CNTNAP5: variants seen among roughly 807,000 people sequenced by gnomAD.
CNTNAP5 encodes the protein contactin associated protein family member 5, also known as contactin-associated protein-like 5.
A neutral mutation model predicts 150.2 loss-of-function variants in CNTNAP5; 72 were observed. That is an observed-to-expected ratio of 0.48 (90% CI 0.40 to 0.58). The LOEUF is 0.58. CNTNAP5 is among the 20% of genes least tolerant of loss of function. The probability of loss-of-function intolerance (pLI) is 0.00; values close to 1 mark genes in which losing one functional copy is unlikely to be tolerated. For missense variants in CNTNAP5, 1,636 were observed against 1,626.2 expected (o/e 1.01, Z -0.10); for synonymous variants, 672 against 619.8 (o/e 1.08, Z -1.25).
intron 21 of CNTNAP5, among the ~76,000 whole-genome samples, chr2:124,884,027 G>T (rs1421845595): frequency 6.6e-6 from 1 of 152,068 alleles, no homozygotes; most frequent in African/African-American, 2.4e-5. Flanking sequence ...ATATGTGTAT[G>T]CATGTGTGCA....
At chr2:124,203,930 T>C (rs1685796734) in intron 1 of CNTNAP5, among the ~76,000 whole-genome samples, 1 of 152,222 alleles carries the variant, frequency 6.6e-6, no homozygotes, top group African/African-American at 2.4e-5. Flanking sequence ...TGGCGCCTTG[T>C]TACTTATGCA....
chr2:124,825,662 T>C (rs1682577691), intron 19 of CNTNAP5, among the ~76,000 whole-genome samples: 2 of 152,314 alleles, frequency 1.3e-5, no homozygotes, highest in East Asian at 1.9e-4. Context: ...GGGAGGATTA[T>C]ACTTTAGGGC....
chr2:124,414,920 G>A (rs895289994), intron 3 of CNTNAP5, among the ~76,000 whole-genome samples: 1 of 152,124 alleles, frequency 6.6e-6, no homozygotes, highest in Non-Finnish European at 1.5e-5. Context: ...CTGAAGAGAA[G>A]GTTCCACAGT....
chr2:124,260,884 C>T lies in CNTNAP5; in HGVS notation c.381+18491C>T, dbSNP rs371340164. ...AATACATGTCATACTTATAGACACA[C>T]GTACACAAATGGAGTGCAATTGTCA... On this transcript the variant is annotated intron_variant, in intron 3 of 23. Coordinates refer to ENST00000682447, the MANE Select transcript of CNTNAP5 (RefSeq NM_001367498.1). Among the ~76,000 whole-genome samples, 49 of 152,202 alleles carry T rather than the reference C, an allele frequency of 3.2e-4. No homozygotes were observed. In the South Asian group the frequency reaches 8.3e-3, roughly 26 times the overall value.
chr2:124,410,315 A>T (rs1691715711), intron 3 of CNTNAP5, among the ~76,000 whole-genome samples: 1 of 151,262 alleles, frequency 6.6e-6, no homozygotes, highest in African/African-American at 2.4e-5. Context: ...CATTAGACAG[A>T]TCAACGAGAC....
chr2:124,579,274 G>A (rs988796219), intron 11 of CNTNAP5, among the ~76,000 whole-genome samples: 1 of 152,160 alleles, frequency 6.6e-6, no homozygotes, highest in Non-Finnish European at 1.5e-5. Flanking sequence ...AGGCTCTATA[G>A]TAGATTCTAT....
At position 124,446,784 on chromosome 2, in the gene CNTNAP5, G is replaced by T; in HGVS notation, c.765G>T (p.Leu255Phe). ...GCAAAGCGCGGCTCAGCAGCAGCTT[G>T]CCCTCTGCCACCCTGGGCAGCCTCC... Reference protein sequence around the residue: ...GDSKARLSSSLPSATLGSLLD... With the variant: ...GDSKARLSSSFPSATLGSLLD... The change falls in exon 6 of 24, where the codon TTG becomes TTT. Residue 255 changes from leucine (L) to phenylalanine (F), a missense_variant. By Grantham distance (22) the Leu-to-Phe change is conservative. Transcript: ENST00000682447. 1 of 1,613,776 alleles carries T rather than the reference G, an allele frequency of 6.2e-7. No homozygotes were observed. Among genetic ancestry groups the T allele is most frequent in the East Asian group, 2.2e-5 (1 of 44,856 alleles).
At chr2:124,201,468 G>A (rs977999390) in intron 1 of CNTNAP5, among the ~76,000 whole-genome samples, 1 of 152,118 alleles carries the variant, frequency 6.6e-6, no homozygotes, top group South Asian at 2.1e-4. Flanking sequence ...GCTAAGAAAG[G>A]GTAATTCTGT....
chr2:124,667,856 C>A (rs578162518), intron 13 of CNTNAP5, among the ~76,000 whole-genome samples: 9 of 152,176 alleles, frequency 5.9e-5, no homozygotes, highest in Non-Finnish European at 8.8e-5. Context: ...TCTCATTTCT[C>A]CCGTAAGGGA....
chr2:124,097,265 G>T (rs1282019252), intron 1 of CNTNAP5, among the ~76,000 whole-genome samples: 1 of 152,082 alleles, frequency 6.6e-6, no homozygotes, highest in Non-Finnish European at 1.5e-5. Flanking sequence ...CTTTGGATGG[G>T]ATCCTGACAC....
chr2:124,649,016 A>G (rs938075029), intron 13 of CNTNAP5, among the ~76,000 whole-genome samples: 16 of 152,324 alleles, frequency 1.1e-4, no homozygotes, highest in Admixed American at 5.2e-4. Context: ...TGTTCCACGT[A>G]ATTGAATTTT....
chr2:124,808,388 G>A (rs929576117), intron 19 of CNTNAP5, among the ~76,000 whole-genome samples: 1 of 152,040 alleles, frequency 6.6e-6, no homozygotes, highest in African/African-American at 2.4e-5. Flanking sequence ...AGGAGTTCGA[G>A]ACCAGCCTGG....
chr2:124,161,304 T>G (rs1405014835), intron 1 of CNTNAP5, among the ~76,000 whole-genome samples: 2 of 152,190 alleles, frequency 1.3e-5, no homozygotes, highest in Non-Finnish European at 2.9e-5. Context: ...GACTCCAATG[T>G]CATAGTGCAC....
chr2:124,293,634 A>G (rs774153600), intron 3 of CNTNAP5, among the ~76,000 whole-genome samples: 23 of 152,202 alleles, frequency 1.5e-4, no homozygotes, highest in Non-Finnish European at 2.4e-4. Context: ...AAAGGCATTT[A>G]CTAGGTATTG....
intron 1 of CNTNAP5, among the ~76,000 whole-genome samples, chr2:124,133,567 T>C (rs1468610055): frequency 2.6e-5 from 4 of 152,202 alleles, no homozygotes; most frequent in Non-Finnish European, 5.9e-5. Flanking sequence ...TCCACCCACA[T>C]GTCTCCTCTC....
chr2:124,783,931 G>A (rs917731181), intron 17 of CNTNAP5, among the ~76,000 whole-genome samples: 1 of 152,152 alleles, frequency 6.6e-6, no homozygotes, highest in African/African-American at 2.4e-5. Context: ...TCTACAGTAG[G>A]ATTTCCTCCT....
chr2:124,747,026 C>CA (rs1262336795), intron 13 of CNTNAP5, among the ~76,000 whole-genome samples: 1 of 150,180 alleles, frequency 6.7e-6, no homozygotes, highest in Non-Finnish European at 1.5e-5. Context: ...AAAGAAGGAA[C>CA]AAAAAAATGA....
intron 13 of CNTNAP5, among the ~76,000 whole-genome samples, chr2:124,666,224 G>C (rs1340320260): frequency 1.3e-5 from 2 of 152,080 alleles, no homozygotes; most frequent in African/African-American, 2.4e-5. Flanking sequence ...AGAAAGTTGG[G>C]GCATCTTGAG....
chr2:124,244,589 G>T (rs2104771620), intron 3 of CNTNAP5, among the ~76,000 whole-genome samples: 1 of 152,234 alleles, frequency 6.6e-6, no homozygotes, highest in East Asian at 1.9e-4. Context: ...TGGGAGAGAG[G>T]CAGCTTCAGG....
Sources: gnomAD v4.1 joint callset for allele counts (sites outside exome capture counted in the v4.1 genomes callset) on GRCh38, gnomAD v4.1.1 for gene constraint, MANE v1.5 for transcripts, NCBI Gene and HGNC (gene_info 2026-07-23, HGNC 2026-07-21) for gene names.